MYBPC1: variants seen among roughly 807,000 people sequenced by gnomAD.
MYBPC1 encodes the protein myosin binding protein C1, also known as myosin-binding protein C, slow-type.
In MYBPC1, 52 loss-of-function variants were observed where a neutral mutation model predicts 147.1. The ratio of observed to expected loss-of-function variants is 0.35; its 90% CI spans 0.28 to 0.45. The LOEUF is 0.45. MYBPC1 is among the 20% of genes least tolerant of loss of function. The pLI, the probability that MYBPC1 is intolerant of heterozygous loss-of-function variation, is 1.00. For missense variants in MYBPC1, 1,228 were observed against 1,440.3 expected (o/e 0.85, Z 2.39); for synonymous variants, 477 against 475.9 (o/e 1.00, Z -0.03).
At chr12:101,603,965 C>T (rs1157925757) in intron 1 of MYBPC1, among the ~76,000 whole-genome samples, 1 of 152,024 alleles carries the variant, frequency 6.6e-6, no homozygotes, top group Admixed American at 6.6e-5. Context: ...GATTCAAGAT[C>T]CCCAAAAAAG....
chr12:101,605,403 C>A (rs1243524616), intron 1 of MYBPC1, among the ~76,000 whole-genome samples: 1 of 152,088 alleles, frequency 6.6e-6, no homozygotes. Context: ...AAATTCAAAA[C>A]CAGTGGTTCA....
At chr12:101,633,260 C>A (rs139355501) in intron 8 of MYBPC1, among the ~76,000 whole-genome samples, 2 of 152,222 alleles carry the variant, frequency 1.3e-5, no homozygotes, top group African/African-American at 4.8e-5. Context: ...GGAAGTCAGG[C>A]ATACATGGCT....
intron 1 of MYBPC1, among the ~76,000 whole-genome samples, chr12:101,613,789 T>A (rs978509904): frequency 6.6e-6 from 1 of 152,152 alleles, no homozygotes; most frequent in Non-Finnish European, 1.5e-5. Flanking sequence ...TAGGTGGGAA[T>A]CTACTCCAAG....
intron 1 of MYBPC1, among the ~76,000 whole-genome samples, chr12:101,605,159 T>G (rs1218646764): frequency 6.6e-6 from 1 of 152,178 alleles, no homozygotes; most frequent in Non-Finnish European, 1.5e-5. Flanking sequence ...AGCTGTTAGG[T>G]AAGTTGCTAG....
At position 101,680,464 on chromosome 12, in the gene MYBPC1, C is replaced by T; in HGVS notation, c.3368C>T (p.Thr1123Ile). The change falls in exon 29 of 32, where the codon ACT becomes ATT. Residue 1123 changes from threonine (T) to isoleucine (I), a missense_variant. This residue lies in a region of MYBPC1 where 1,077 missense variants were observed against 1,314.2 expected (regional missense o/e 0.82). Coordinates refer to ENST00000361466, the MANE Select transcript of MYBPC1 (RefSeq NM_002465.4). ...AAGCCCAGCCCCTATGATGGAGGCA[C>T]TTACTGCTGCAAAGCAGTCAATGAC... Reference protein sequence around the residue: ...IRKPSPYDGGTYCCKAVNDLG... With the variant: ...IRKPSPYDGGIYCCKAVNDLG... 1 of 1,614,138 alleles carries T rather than the reference C, an allele frequency of 6.2e-7. No individual in the cohort carries two copies.
At chr12:101,667,675 G>T in intron 22 of MYBPC1, 57 bp from the exon 23 acceptor site, 1 of 1,595,766 alleles carries the variant, frequency 6.3e-7, no homozygotes, top group Admixed American at 1.7e-5. Flanking sequence ...TGGTTAAGAT[G>T]ATTTTTTTCA....
chr12:101,604,369 G>A (rs1238119925), intron 1 of MYBPC1, among the ~76,000 whole-genome samples: 1 of 152,182 alleles, frequency 6.6e-6, no homozygotes, highest in Admixed American at 6.5e-5. Context: ...ATATTTACAT[G>A]ATCAAGGTAC....
At chr12:101,665,117 C>A (rs1413825792) in intron 22 of MYBPC1, among the ~76,000 whole-genome samples, 1 of 151,984 alleles carries the variant, frequency 6.6e-6, no homozygotes, top group Non-Finnish European at 1.5e-5. Context: ...TGTTACCCAC[C>A]TTAGATAAAA....
At chr12:101,599,789 G>A (rs1879089124) in intron 1 of MYBPC1, among the ~76,000 whole-genome samples, 1 of 152,166 alleles carries the variant, frequency 6.6e-6, no homozygotes, top group African/African-American at 2.4e-5. Context: ...TGAAAATAAA[G>A]AAGTTGTATG....
chr12:101,659,927 C>A, intron 19 of MYBPC1, 96 bp downstream of exon 19: 1 of 1,455,424 alleles, frequency 6.9e-7, no homozygotes, highest in South Asian at 1.2e-5. Context: ...CATTTCCTTC[C>A]TTTGTCTTTC....
the MYBPC1 span, among the ~76,000 whole-genome samples, chr12:101,695,153 T>A: frequency 6.6e-6 from 1 of 152,210 alleles, no homozygotes; most frequent in East Asian, 1.9e-4. Flanking sequence ...CATAATTAAG[T>A]TCTGGCCAAT....
chr12:101,613,398 A>G (rs1394534624), intron 1 of MYBPC1, among the ~76,000 whole-genome samples: 1 of 152,250 alleles, frequency 6.6e-6, no homozygotes, highest in Non-Finnish European at 1.5e-5. Flanking sequence ...AAAGGCTCCC[A>G]GGATTCCACA....
chr12:101,621,645 G>T (rs1197065491), intron 3 of MYBPC1, among the ~76,000 whole-genome samples: 2 of 152,032 alleles, frequency 1.3e-5, no homozygotes, highest in East Asian at 3.9e-4. Flanking sequence ...AATTTTATAA[G>T]CTTTTGGTCT....
chr12:101,682,811 A>G (rs1951101151), intron 30 of MYBPC1, 149 bp downstream of exon 30: 1 of 737,250 alleles, frequency 1.4e-6, no homozygotes, highest in Non-Finnish European at 2.3e-6. Context: ...TATGCCATGA[A>G]CAAGGAAGGC....
intron 3 of MYBPC1, among the ~76,000 whole-genome samples, chr12:101,618,190 T>C (rs907414835): frequency 2.6e-5 from 4 of 152,244 alleles, no homozygotes; most frequent in African/African-American, 9.6e-5. Context: ...TATTCTTGTG[T>C]CCTATACATT....
chr12:101,668,657 G>T (rs934745870), intron 23 of MYBPC1, among the ~76,000 whole-genome samples: 1 of 152,040 alleles, frequency 6.6e-6, no homozygotes, highest in East Asian at 2.0e-4. Flanking sequence ...TAGAGACAGG[G>T]TTTCACCATG....
intron 25 of MYBPC1, 84 bp from the exon 26 acceptor site, chr12:101,675,208 G>A (rs1899667401): frequency 6.4e-7 from 1 of 1,551,122 alleles, no homozygotes; most frequent in East Asian, 2.3e-5. Context: ...CAGAGGAAAG[G>A]GTCTTTTAAA....
At chr12:101,597,009 C>T (rs940423182) in intron 1 of MYBPC1, among the ~76,000 whole-genome samples, 1 of 152,114 alleles carries the variant, frequency 6.6e-6, no homozygotes, top group Non-Finnish European at 1.5e-5. Flanking sequence ...TTTTGGTTCC[C>T]TTACCAGCAG....
At chr12:101,633,511 A>G (rs1344909195) in intron 8 of MYBPC1, among the ~76,000 whole-genome samples, 1 of 151,664 alleles carries the variant, frequency 6.6e-6, no homozygotes, top group Non-Finnish European at 1.5e-5. Context: ...ACATGGTGAA[A>G]CCCCGTCTCT....
Sources: allele counts gnomAD v4.1 joint callset (sites outside exome capture counted in the v4.1 genomes callset), GRCh38; gene constraint gnomAD v4.1.1; regional missense constraint gnomAD v4.1.1; transcripts MANE v1.5; gene names NCBI Gene and HGNC (gene_info 2026-07-23, HGNC 2026-07-21).